The following DYNC1LI1 variants were observed in gnomAD, a reference collection of about 807,000 sequenced individuals.
DYNC1LI1 encodes dynein cytoplasmic 1 light intermediate chain 1.
DYNC1LI1 carries 19 observed loss-of-function variants against 63.8 expected under a neutral mutation model. The observed-to-expected ratio is 0.30, with a 90% CI of 0.21 to 0.44. The LOEUF is 0.44. DYNC1LI1 is among the 20% of genes least tolerant of loss of function. DYNC1LI1 has a pLI of 1.00. For synonymous variants in DYNC1LI1, 225 were observed against 232.3 expected (o/e 0.97, Z 0.28); for missense variants, 565 against 630.2 (o/e 0.90, Z 1.11).
At chr3:32,528,128 A>AAAAAAAAAAAAAAAAAAAAAAAAAT in intron 12 of DYNC1LI1, among the ~76,000 whole-genome samples, 1 of 148,538 alleles carries the variant, frequency 6.7e-6, no homozygotes, top group African/African-American at 2.5e-5. Flanking sequence ...AAAAAAAAAA[A>AAAAAAAAAAAAAAAAAAAAAAAAAT]AAAAAAAAAA....
rs371564299 is a variant in DYNC1LI1, at chr3:32,537,087, T to C, written c.756A>G (p.Val252=). The change falls in exon 6 of 13, where the codon GTA becomes GTG. Residue 252 remains valine (V), a synonymous_variant. Transcript: ENST00000273130. ...CTCTGTAGTCATGTTCTTTCTCCAA[T>C]ACACTAATGGCATCACACTGTTAAG... ...VVCTKCDAIS[V]LEKEHDYRDE... 2.5e-5 allele frequency: 39 copies of C among 1,574,988 alleles called. No individual in the cohort carries two copies. The highest frequency in any genetic ancestry group is 3.2e-5 in the Non-Finnish European group (37 of 1,158,634).
At chr3:32,556,629 CA>C (rs1355251928) in intron 2 of DYNC1LI1, among the ~76,000 whole-genome samples, 1 of 152,142 alleles carries the variant, frequency 6.6e-6, no homozygotes, top group Non-Finnish European at 1.5e-5. Flanking sequence ...ACTGCAGCCT[CA>C]ACCTCCTGGG....
At chr3:32,544,082 A>C (rs766251092) in intron 4 of DYNC1LI1, among the ~76,000 whole-genome samples, 21 of 151,914 alleles carry the variant, frequency 1.4e-4, no homozygotes, top group Non-Finnish European at 2.1e-4. Context: ...AAAAATAAAA[A>C]ATGTTGCTGG....
Position 32,526,045 on chromosome 3 carries a change from G to A in DYNC1LI1, c.*754C>T, listed in dbSNP as rs1012596251. 6.6e-6 allele frequency: 1 copy of A among 151,588 alleles called. No homozygotes were observed. Among genetic ancestry groups the A allele is most frequent in the Non-Finnish European group, 1.5e-5 (1 of 67,954 alleles). The allele number at this position is 151,588 out of a possible 1,614,324, so 9.4% of individuals were successfully genotyped here. On this transcript the variant is annotated 3_prime_UTR_variant, in exon 13 of 13. Coordinates refer to ENST00000273130, the MANE Select transcript of DYNC1LI1 (RefSeq NM_016141.4). ...TTGAAAGTCACAAACAAAAAAGGGG[G>A]TATATTAAGGCAAAGCCATATATAT... is the stretch of plus-strand genomic sequence containing the variant.
At chr3:32,559,844 C>G (rs1698166260) in intron 2 of DYNC1LI1, among the ~76,000 whole-genome samples, 1 of 152,244 alleles carries the variant, frequency 6.6e-6, no homozygotes, top group South Asian at 2.1e-4. Context: ...TCTGAAAGCT[C>G]TGGTGACAAG....
At position 32,526,891 on chromosome 3, in the gene DYNC1LI1, C is replaced by T. The variant is rs759300607; in HGVS notation, c.1480G>A (p.Asp494Asn). ...ATTCTGTCTAGTTCTGCATGAACAT[C>T]TAAGACAGGCTTCTGGCCTACATTG... Reference protein sequence around the residue: ...TKKSGQKPVLDVHAELDRITR... With the variant: ...TKKSGQKPVLNVHAELDRITR... Residue 494 changes from aspartate (D) to asparagine (N), a missense_variant, in exon 13 of 13, where the codon GAT (aspartate) becomes AAT (asparagine). By Grantham distance (23) the Asp-to-Asn change is conservative (BLOSUM62 1). Transcript: ENST00000273130. 6.2e-7 allele frequency: 1 copy of T among 1,613,332 alleles called. No individual in the cohort carries two copies.
intron 2 of DYNC1LI1, chr3:32,566,617 A>G: frequency 3.0e-6 from 1 of 332,446 alleles, no homozygotes; most frequent in South Asian, 2.2e-5. Flanking sequence ...ACATGCCTGT[A>G]ATCCCAGCTA....
chr3:32,562,168 C>A (rs1362323351), intron 2 of DYNC1LI1, among the ~76,000 whole-genome samples: 1 of 152,096 alleles, frequency 6.6e-6, no homozygotes, highest in African/African-American at 2.4e-5. Context: ...GAGGCTGAGG[C>A]AGGAAAATCA....
intron 7 of DYNC1LI1, among the ~76,000 whole-genome samples, chr3:32,533,551 A>G (rs1188622171): frequency 1.3e-5 from 2 of 150,648 alleles, no homozygotes. Flanking sequence ...TTACCTCCCA[A>G]TTTTATACGG....
At chr3:32,565,779 T>G (rs762351170) in intron 2 of DYNC1LI1, among the ~76,000 whole-genome samples, 12 of 152,098 alleles carry the variant, frequency 7.9e-5, no homozygotes, top group Non-Finnish European at 1.3e-4. Context: ...TGGCTAATTT[T>G]TGTATTTTTA....
chr3:32,563,719 C>G (rs995481646), intron 2 of DYNC1LI1, among the ~76,000 whole-genome samples: 1 of 152,204 alleles, frequency 6.6e-6, no homozygotes, highest in African/African-American at 2.4e-5. Context: ...GGATTTCACA[C>G]CAGCTGAATT....
At chr3:32,556,929 A>C (rs1250118531) in intron 2 of DYNC1LI1, among the ~76,000 whole-genome samples, 1 of 152,194 alleles carries the variant, frequency 6.6e-6, no homozygotes, top group African/African-American at 2.4e-5. Context: ...ACAATCTATT[A>C]AAATCATTCA....
At chr3:32,562,625 C>A (rs1426014133) in intron 2 of DYNC1LI1, among the ~76,000 whole-genome samples, 1 of 152,208 alleles carries the variant, frequency 6.6e-6, no homozygotes. Context: ...CTGAGCATGG[C>A]TATTTTCACT....
chr3:32,534,407 A>G (rs1697747233), intron 7 of DYNC1LI1, 104 bp downstream of exon 7: 1 of 806,532 alleles, frequency 1.2e-6, no homozygotes, highest in East Asian at 2.8e-5. Context: ...TCACTTTCTC[A>G]TCATGGAAGG....
chr3:32,527,398 C>T (rs540903493), intron 12 of DYNC1LI1, among the ~76,000 whole-genome samples: 38 of 151,144 alleles, frequency 2.5e-4, no homozygotes, highest in African/African-American at 8.2e-4. Flanking sequence ...ATCATTTAAT[C>T]TCATAAAGGT....
intron 2 of DYNC1LI1, among the ~76,000 whole-genome samples, chr3:32,557,448 G>A (rs113174428): frequency 0.057 from 8,728 of 152,126 alleles, 298 homozygotes; most frequent in South Asian, 0.079. Context: ...CTTGAATCTA[G>A]GAGGCGGAGG....
At position 32,545,891 on chromosome 3, in the gene DYNC1LI1, A is replaced by G. The variant is rs146150841; in HGVS notation, c.295T>C (p.Leu99=). ...TGCACATTTAAGTACAAATATTCCA[A>G]TCCTCTTCCTTTCTTATACTCCTCT... ...GIEEYKKGRG[L]EYLYLNVHDE... is the part of the protein sequence containing the mutation. The change falls in exon 3 of 13, where the codon TTG becomes CTG. Residue 99 remains leucine (L), a synonymous_variant. Transcript: ENST00000273130. The G allele has an allele frequency of 7.3e-5, 118 of 1,613,058 alleles. No homozygotes were observed. The African/African-American group carries it at 1.3e-3, about 18-fold the overall frequency.
At chr3:32,535,461 C>G (rs141572623) in intron 6 of DYNC1LI1, among the ~76,000 whole-genome samples, 2 of 152,278 alleles carry the variant, frequency 1.3e-5, no homozygotes, top group African/African-American at 4.8e-5. Flanking sequence ...GGAGTACAGT[C>G]TAACTTCTTA....
At chr3:32,565,106 G>A (rs576467632) in intron 2 of DYNC1LI1, among the ~76,000 whole-genome samples, 82 of 152,120 alleles carry the variant, frequency 5.4e-4, no homozygotes, top group African/African-American at 1.7e-3. Flanking sequence ...ATTTCTTTCC[G>A]GGGTGGAATT....
Sources: gnomAD v4.1 joint callset for allele counts (sites outside exome capture counted in the v4.1 genomes callset) on GRCh38, gnomAD v4.1.1 for gene constraint, MANE v1.5 for transcripts, NCBI Gene and HGNC (gene_info 2026-07-23, HGNC 2026-07-21) for gene names.